CNTN5: variants seen among roughly 807,000 people sequenced by gnomAD.
The protein encoded by CNTN5 is contactin-5.
In CNTN5, 77 loss-of-function variants were observed where a neutral mutation model predicts 129.1. The observed-to-expected ratio is 0.60, with a 90% CI of 0.50 to 0.72. CNTN5 has a LOEUF of 0.72. CNTN5 is among the 30% of genes least tolerant of loss of function. CNTN5 has a pLI of 0.00. For synonymous variants in CNTN5, 509 were observed against 465.6 expected, an observed-to-expected ratio of 1.09 and a Z score of -1.20; for missense variants, 1,478 against 1,328.8, an observed-to-expected ratio of 1.11 and a Z score of -1.75.
chr11:99,916,113 G>T lies in CNTN5; in HGVS notation c.637G>T (p.Val213Phe), dbSNP rs1949783354. 1 of 1,612,440 alleles carries T rather than the reference G, an allele frequency of 6.2e-7. No homozygotes were observed. The highest frequency in any genetic ancestry group is 8.5e-7 in the Non-Finnish European group (1 of 1,179,222). Residue 213 changes from valine to phenylalanine, a missense_variant, in exon 7 of 25, where the codon GTC (valine) becomes TTC (phenylalanine). By Grantham distance (50) the Val-to-Phe change is conservative (BLOSUM62 -1). Transcript: ENST00000524871. ...SAVSVREGQG[V>F]VLMCSPPPHS... ...AGTCTCTGTGAGGGAAGGCCAGGGT[G>T]TCGTTCTGATGTGCTCTCCTCCGCC... is the stretch of plus-strand genomic sequence containing the variant.
chr11:100,082,973 T>C (rs184348270), intron 13 of CNTN5, among the ~76,000 whole-genome samples: 3 of 151,772 alleles, frequency 2.0e-5, no homozygotes, highest in African/African-American at 7.3e-5. Context: ...ACAAGCAAAG[T>C]AGAAGGTGAA....
chr11:100,110,200 AG>A (rs1565249912), intron 13 of CNTN5, among the ~76,000 whole-genome samples: 1 of 145,006 alleles, frequency 6.9e-6, no homozygotes, highest in Non-Finnish European at 1.5e-5. Context: ...AAAAAAAAAA[AG>A]AAAAGAAAAA....
At chr11:99,276,375 A>G in intron 1 of CNTN5, among the ~76,000 whole-genome samples, 1 of 151,812 alleles carries the variant, frequency 6.6e-6, no homozygotes, top group Middle Eastern at 3.4e-3. Flanking sequence ...AACATTTAAT[A>G]ATTAAATAAT....
chr11:99,236,447 A>G (rs941074251), intron 1 of CNTN5, among the ~76,000 whole-genome samples: 29 of 138,392 alleles, frequency 2.1e-4, no homozygotes, highest in Admixed American at 7.9e-5. Flanking sequence ...CTTAGCAAAC[A>G]TTCTACACAC....
chr11:99,408,405 GAGAGAAAGAAAGGAAGGAA>G (rs1565557684), intron 2 of CNTN5, among the ~76,000 whole-genome samples: 38 of 98,746 alleles, frequency 3.8e-4, no homozygotes, highest in African/African-American at 1.3e-3. Context: ...AGAAAGAAGA[GAGAGAAAGAAAGGAAGGAA>G]AGAAAAAGAA....
intron 13 of CNTN5, among the ~76,000 whole-genome samples, chr11:100,124,966 G>A (rs1946136763): frequency 6.6e-6 from 1 of 152,068 alleles, no homozygotes. Flanking sequence ...AGACGTCTGA[G>A]TCTCATCCTC....
At chr11:99,813,108 T>C (rs1946479341) in intron 3 of CNTN5, among the ~76,000 whole-genome samples, 1 of 152,106 alleles carries the variant, frequency 6.6e-6, no homozygotes, top group African/African-American at 2.4e-5. Context: ...TATCACCTGT[T>C]CCTAACCCAT....
chr11:99,915,977 G>A (rs1949778739), intron 6 of CNTN5, 77 bp from the exon 7 acceptor site: 2 of 1,129,630 alleles, frequency 1.8e-6, no homozygotes, highest in East Asian at 5.1e-5. Context: ...ACGATAGAAA[G>A]TAAGTACAAG....
At chr11:99,371,855 T>C (rs1939846136) in intron 2 of CNTN5, among the ~76,000 whole-genome samples, 1 of 152,220 alleles carries the variant, frequency 6.6e-6, no homozygotes, top group African/African-American at 2.4e-5. Flanking sequence ...TACTGTCATT[T>C]TCCCTTTAGA....
At chr11:99,108,206 G>T (rs1347018674) in intron 1 of CNTN5, among the ~76,000 whole-genome samples, 5 of 152,086 alleles carry the variant, frequency 3.3e-5, no homozygotes, top group African/African-American at 1.2e-4. Flanking sequence ...GTAAAAGTTT[G>T]CCCTTCACCA....
At chr11:99,546,213 T>C (rs2135509590) in intron 2 of CNTN5, among the ~76,000 whole-genome samples, 1 of 152,278 alleles carries the variant, frequency 6.6e-6, no homozygotes, top group South Asian at 2.1e-4. Context: ...TCTATAAATT[T>C]GGAAAGATTT....
In CNTN5 at chr11:99,656,046, A is replaced by G. The variant is rs538384925; in HGVS notation, c.55+99777A>G. Among the ~76,000 whole-genome samples the G allele has an allele frequency of 2.2e-3, 341 of 152,166 alleles. 1 individual carries two copies. Among genetic ancestry groups the G allele is most frequent in the African/African-American group, 7.5e-3 (310 of 41,528 alleles). On this transcript the variant is annotated intron_variant, in intron 3 of 24. Transcript: ENST00000524871. Reference sequence around the variant, plus strand: ...TACAGGTATGTGTGTATGTGTGTATATAGGTATAAGTGTGTGTACATATGT... The same window carrying G: ...TACAGGTATGTGTGTATGTGTGTATGTAGGTATAAGTGTGTGTACATATGT...
intron 3 of CNTN5, among the ~76,000 whole-genome samples, chr11:99,671,921 C>T (rs988943468): frequency 2.0e-5 from 3 of 152,166 alleles, no homozygotes; most frequent in African/African-American, 4.8e-5. Flanking sequence ...TAAACACACA[C>T]ACCTGGTTTG....
At chr11:99,808,333 T>G (rs929291921) in intron 3 of CNTN5, among the ~76,000 whole-genome samples, 1 of 137,190 alleles carries the variant, frequency 7.3e-6, no homozygotes, top group Admixed American at 7.8e-5. Flanking sequence ...TGGACTTAAA[T>G]GTGCTGTCAG....
intron 13 of CNTN5, among the ~76,000 whole-genome samples, chr11:100,101,615 G>A (rs1945227541): frequency 6.6e-6 from 1 of 151,862 alleles, no homozygotes; most frequent in Non-Finnish European, 1.5e-5. Flanking sequence ...GGTGGTACAG[G>A]TGGTTTTTGG....
intron 7 of CNTN5, among the ~76,000 whole-genome samples, chr11:99,933,230 T>A (rs753320489): frequency 2.7e-4 from 41 of 152,242 alleles, no homozygotes; most frequent in Non-Finnish European, 5.0e-4. Context: ...TAGAAAATGT[T>A]ATCTTCATTT....
At chr11:99,307,386 A>G (rs559625021) in intron 1 of CNTN5, among the ~76,000 whole-genome samples, 34 of 152,028 alleles carry the variant, frequency 2.2e-4, no homozygotes, top group African/African-American at 8.0e-4. Flanking sequence ...TTTTGTTTTT[A>G]GTAAGACAAG....
chr11:99,900,468 G>T (rs1439596590), intron 6 of CNTN5, among the ~76,000 whole-genome samples: 3 of 151,942 alleles, frequency 2.0e-5, no homozygotes, highest in Non-Finnish European at 4.4e-5. Flanking sequence ...AAACTTTAAT[G>T]CTATAAACAT....
Position 99,264,246 on chromosome 11 carries a change from T to A in CNTN5, c.-209-61100T>A, listed in dbSNP as rs990004668. Among the ~76,000 whole-genome samples the A allele has an allele frequency of 9.2e-5, 14 of 151,550 alleles. 1 individual carries two copies. In the East Asian group the frequency reaches 9.7e-4, roughly 10 times the overall value. On this transcript the variant is annotated intron_variant, in intron 1 of 24. Coordinates refer to ENST00000524871, the MANE Select transcript of CNTN5 (RefSeq NM_014361.4). Reference sequence around the variant, plus strand: ...TTATTTAATAATATTATTTAATTATTCTTGATTGTACCTTTCTTAGAATTT... The same window carrying A: ...TTATTTAATAATATTATTTAATTATACTTGATTGTACCTTTCTTAGAATTT...
Sources: allele counts gnomAD v4.1 joint callset (sites outside exome capture counted in the v4.1 genomes callset), GRCh38; gene constraint gnomAD v4.1.1; transcripts MANE v1.5; gene names NCBI Gene and HGNC (gene_info 2026-07-23, HGNC 2026-07-21).